The following RAPH1 variants were observed in gnomAD, a reference collection of about 807,000 sequenced individuals.
RAPH1 encodes Ras association (RalGDS/AF-6) and pleckstrin homology domains 1.
RAPH1 carries 18 observed loss-of-function variants against 88.1 expected under a neutral mutation model. That is an observed-to-expected ratio of 0.20 (90% confidence interval 0.14 to 0.30). The LOEUF (loss-of-function observed/expected upper bound fraction) is 0.30. Among genes scored for constraint, RAPH1 ranks in the 10% least tolerant of loss-of-function variants. The pLI, the probability that RAPH1 is intolerant of heterozygous loss-of-function variation, is 1.00. For synonymous variants in RAPH1, 587 were observed against 559.0 expected (o/e 1.05, Z -0.71); for missense variants, 1,448 against 1,543.2 (o/e 0.94, Z 1.03).
chr2:203,481,683 C>T (rs1464542614), intron 4 of RAPH1, among the ~76,000 whole-genome samples: 1 of 150,014 alleles, frequency 6.7e-6, no homozygotes, highest in Non-Finnish European at 1.5e-5. Flanking sequence ...CCTCCACCTC[C>T]TAGATTCAAG....
In RAPH1 at chr2:203,444,019, G is replaced by A. The variant is rs180908488; in HGVS notation, c.1776+849C>T. 662 of 145,846 alleles carry A rather than the reference G, an allele frequency of 4.5e-3. 11 individuals carry two copies. The highest frequency in any genetic ancestry group is 3.6e-3 in the South Asian group (16 of 4,400). The allele number at this position is 145,846 out of a possible 1,614,324, so 9.0% of individuals were successfully genotyped here. ...GAGAGGGAGAGGGAGAGGAGGGGATGGGGAGAAGGAAGGAAAGGAAGGGAA... is the reference window on the plus strand; with the variant it reads ...GAGAGGGAGAGGGAGAGGAGGGGATAGGGAGAAGGAAGGAAAGGAAGGGAA... On this transcript the variant is annotated intron_variant, in intron 13 of 13. Coordinates refer to ENST00000319170, the MANE Select transcript of RAPH1 (RefSeq NM_213589.3).
At chr2:203,469,990 C>CT (rs1210622808) in intron 4 of RAPH1, among the ~76,000 whole-genome samples, 1 of 152,200 alleles carries the variant, frequency 6.6e-6, no homozygotes, top group East Asian at 1.9e-4. Flanking sequence ...GTGCAACATA[C>CT]TTGGGAAGAC....
chr2:203,511,833 C>T (rs1298591199), intron 1 of RAPH1, among the ~76,000 whole-genome samples: 1 of 152,114 alleles, frequency 6.6e-6, no homozygotes, highest in Admixed American at 6.6e-5. Context: ...AAGAATCGGC[C>T]AGGCACGGTG....
intron 13 of RAPH1, 70 bp from the exon 14 acceptor site, chr2:203,441,483 TTTGA>T (rs1418416848): frequency 2.1e-6 from 3 of 1,457,370 alleles, no homozygotes; most frequent in South Asian, 1.5e-5. Flanking sequence ...AGAGGTAAGC[TTTGA>T]TTGTGTAAAA....
At chr2:203,506,826 A>ATATCTATATC (rs1553630494) in intron 1 of RAPH1, among the ~76,000 whole-genome samples, 8 of 24,220 alleles carry the variant, frequency 3.3e-4, no homozygotes, top group Non-Finnish European at 6.7e-4. Context: ...ATATCTATAT[A>ATATCTATATC]TATATCTATA....
At chr2:203,527,074 G>A (rs1016026513) in intron 1 of RAPH1, among the ~76,000 whole-genome samples, 1 of 152,038 alleles carries the variant, frequency 6.6e-6, no homozygotes, top group Non-Finnish European at 1.5e-5. Context: ...GTGAGCCACC[G>A]TGCTTGGCCT....
chr2:203,468,726 GAAAATGGT>G (rs2098530628), intron 4 of RAPH1, among the ~76,000 whole-genome samples: 1 of 152,172 alleles, frequency 6.6e-6, no homozygotes, highest in South Asian at 2.1e-4. Context: ...AATTGGCAAT[GAAAATGGT>G]AAAATGGCAA....
rs998111238 is a variant in RAPH1 at position 203,435,928 on chromosome 2, C to T, written c.*3509G>A. ...TAATTTATAACTTTATGGATTTCCT[C>T]GATACAAGTTTATTAGTTTATTCTC... is the stretch of plus-strand genomic sequence containing the variant. On this transcript the variant is annotated 3_prime_UTR_variant, in exon 14 of 14. Transcript: ENST00000319170. 9.2e-5 allele frequency: 14 copies of T among 152,108 alleles called. 1 individual carries two copies. The highest frequency in any genetic ancestry group is 1.3e-4 in the Admixed American group (2 of 15,266). The allele number at this position is 152,108 out of a possible 1,614,324, so 9.4% of individuals were successfully genotyped here.
intron 1 of RAPH1, among the ~76,000 whole-genome samples, chr2:203,525,162 A>C (rs946835481): frequency 6.6e-6 from 1 of 152,218 alleles, no homozygotes; most frequent in African/African-American, 2.4e-5. Flanking sequence ...AGGAAAATGG[A>C]TAAGAAATCT....
At chr2:203,483,194 T>A (rs1214081896) in intron 4 of RAPH1, among the ~76,000 whole-genome samples, 1 of 152,204 alleles carries the variant, frequency 6.6e-6, no homozygotes, top group African/African-American at 2.4e-5. Flanking sequence ...TGATCTGACT[T>A]ATCTTTCAAA....
At chr2:203,512,589 T>G (rs1689397223) in intron 1 of RAPH1, among the ~76,000 whole-genome samples, 1 of 151,562 alleles carries the variant, frequency 6.6e-6, no homozygotes, top group African/African-American at 2.4e-5. Context: ...GTTTGTTGGG[T>G]ATTTAAACAA....
chr2:203,457,473 C>CTG, intron 8 of RAPH1, 57 bp downstream of exon 8: 1 of 1,415,446 alleles, frequency 7.1e-7, no homozygotes. Context: ...CGTGAGCCAC[C>CTG]ATGCCTGGCC....
intron 1 of RAPH1, among the ~76,000 whole-genome samples, chr2:203,525,948 T>A (rs572622562): frequency 6.6e-6 from 1 of 152,116 alleles, no homozygotes; most frequent in Non-Finnish European, 1.5e-5. Flanking sequence ...AAGGAAAAGA[T>A]AAAGAGCAGG....
chr2:203,448,694 A>G lies in RAPH1; in HGVS notation c.1512+44T>C, dbSNP rs746953630. The G allele has an allele frequency of 3.0e-6, 4 of 1,349,572 alleles. No individual in the cohort carries two copies. The South Asian group carries it at 5.2e-5, about 18-fold the overall frequency. 83.6% of individuals were successfully genotyped at this position (1,349,572 alleles called of 1,614,324 possible). A position where few individuals can be genotyped will look rare whatever the true frequency, so the allele number is the denominator to read the frequency against. ...CATGAAAACGAAAACTATATCATCG[A>G]CAAACACCTCATTATTCCATCATCA... On this transcript the variant is annotated intron_variant, in intron 11 of 13. Coordinates refer to ENST00000319170, the MANE Select transcript of RAPH1 (RefSeq NM_213589.3). This position sits in a 1 kb window ranked among gnomAD's most constrained non-coding sequence, Gnocchi z 4.1.
chr2:203,488,588 T>TGAAA (rs1553626729), intron 4 of RAPH1, among the ~76,000 whole-genome samples: 1 of 36,652 alleles, frequency 2.7e-5, no homozygotes, highest in African/African-American at 1.1e-4. Flanking sequence ...CTCCGTCTAT[T>TGAAA]AAAAAAAAAA....
At chr2:203,523,316 A>G (rs1349045374) in intron 1 of RAPH1, among the ~76,000 whole-genome samples, 1 of 150,382 alleles carries the variant, frequency 6.6e-6, no homozygotes. Flanking sequence ...TGGCGTGAAT[A>G]CGGGGGGCGG....
rs143954297 is a variant in RAPH1, at chr2:203,491,294, T to G, written c.146A>C (p.Glu49Ala). 4 of 1,612,708 alleles carry G rather than the reference T, an allele frequency of 2.5e-6. No individual in the cohort carries two copies. The African/African-American group carries it at 5.3e-5, about 22-fold the overall frequency. ...TQSLDSDKPMEPVKRSPLRQE... is the reference protein window; with the variant it reads ...TQSLDSDKPMAPVKRSPLRQE... Reference sequence around the variant, plus strand: ...GCGAAGAGGAGATCTTTTTACTGGTTCCATGGGCTTGTCAGAATCCAAACT... The same window carrying G: ...GCGAAGAGGAGATCTTTTTACTGGTGCCATGGGCTTGTCAGAATCCAAACT... Residue 49 changes from glutamate to alanine, a missense_variant, in exon 3 of 14, where the codon GAA (glutamate) becomes GCA (alanine). By Grantham distance (107) the Glu-to-Ala change is moderately radical. Around this residue, in one of 2 missense-constraint regions of RAPH1, gnomAD observed 513 missense variants for 653.1 expected, o/e 0.79. Transcript: ENST00000319170.
At chr2:203,532,013 T>C (rs1034700515) in intron 1 of RAPH1, among the ~76,000 whole-genome samples, 8 of 152,202 alleles carry the variant, frequency 5.3e-5, no homozygotes, top group African/African-American at 1.9e-4. Flanking sequence ...AAATGTGGTA[T>C]ATACATACAA....
rs146049548 is a variant in RAPH1, at chr2:203,483,400, G to T, written c.732+6184C>A. On this transcript the variant is annotated intron_variant, in intron 4 of 13. Transcript: ENST00000319170. ...ACAGAATTTGCTGCTGGATTGAAAG[G>T]GAGGTAGAAAGAAAATAAGTAGATA... Among the ~76,000 whole-genome samples, 123 of 152,290 alleles carry T rather than the reference G, an allele frequency of 8.1e-4. 2 individuals carry two copies. Among genetic ancestry groups the T allele is most frequent in the East Asian group, 4.4e-3 (23 of 5,188 alleles).
Sources: allele counts gnomAD v4.1 joint callset (sites outside exome capture counted in the v4.1 genomes callset), GRCh38; gene constraint gnomAD v4.1.1; regional missense constraint gnomAD v4.1.1; non-coding constraint Gnocchi (gnomAD v3.1); transcripts MANE v1.5; gene names NCBI Gene and HGNC (gene_info 2026-07-23, HGNC 2026-07-21).